Variants in WDR43 observed in about 807,000 individuals in gnomAD.
The protein encoded by WDR43 is WD repeat-containing protein 43.
Under a neutral mutation model 91.4 loss-of-function variants are expected in WDR43, and 13 were observed. That is an observed-to-expected ratio of 0.14 (90% CI 0.09 to 0.23). The LOEUF (loss-of-function observed/expected upper bound fraction) is 0.23. WDR43 is among the 10% of genes least tolerant of loss of function. The pLI is 1.00. For missense variants in WDR43, 780 were observed against 809.4 expected (o/e 0.96, Z 0.44); for synonymous variants, 331 against 287.9 (o/e 1.15, Z -1.51).
At position 28,946,518 on chromosome 2, in the gene WDR43, G is replaced by A. The variant is rs201127235; in HGVS notation, c.1854+19G>A. 5.6e-6 allele frequency: 9 copies of A among 1,607,562 alleles called. No homozygotes were observed. The highest frequency in any genetic ancestry group is 7.7e-6 in the Non-Finnish European group (9 of 1,176,310). On this transcript the variant is annotated intron_variant, in intron 17 of 17. Transcript: ENST00000407426. ...TTCTGAAGTGAGTGATTTGTTCCCT[G>A]TATATACATCGGCCTTTATATCCTC...
chr2:28,914,245 AAG>A, intron 5 of WDR43, 37 bp downstream of exon 5: 1 of 1,594,460 alleles, frequency 6.3e-7, no homozygotes, highest in Non-Finnish European at 8.5e-7. Flanking sequence ...GTAGCATTGA[AAG>A]AATCTGTCAG....
intron 3 of WDR43, among the ~76,000 whole-genome samples, chr2:28,909,978 A>G (rs1292655841): frequency 2.6e-5 from 4 of 151,318 alleles, no homozygotes; most frequent in Admixed American, 2.6e-4. Context: ...CAATATGTGT[A>G]TATCATTCCA....
intron 12 of WDR43, among the ~76,000 whole-genome samples, chr2:28,936,489 C>T (rs1372947826): frequency 2.0e-5 from 3 of 152,102 alleles, no homozygotes; most frequent in African/African-American, 7.2e-5. Context: ...TTTGCCTAAC[C>T]TTGATTTTTT....
chr2:28,913,058 A>G (rs1350490974), intron 4 of WDR43, among the ~76,000 whole-genome samples: 3 of 142,676 alleles, frequency 2.1e-5, no homozygotes, highest in Non-Finnish European at 3.0e-5. Flanking sequence ...GTTCACCGCC[A>G]TTCTCCTGCC....
At chr2:28,946,529 G>A (rs1269319003) in intron 17 of WDR43, 30 bp downstream of exon 17, 83 of 1,603,038 alleles carry the variant, frequency 5.2e-5, no homozygotes, top group Admixed American at 8.5e-5. Context: ...TATATACATC[G>A]GCCTTTATAT....
intron 13 of WDR43, 127 bp downstream of exon 13, chr2:28,937,080 A>G: frequency 1.2e-6 from 1 of 858,742 alleles, no homozygotes; most frequent in Non-Finnish European, 1.8e-6. Context: ...CACCTCCCTT[A>G]TTTTAAGTTG....
intron 7 of WDR43, among the ~76,000 whole-genome samples, chr2:28,923,957 G>T (rs9309665): frequency 0.37 from 56,287 of 151,836 alleles, 11,690 homozygotes; most frequent in Middle Eastern, 0.5. Flanking sequence ...ACTATAGAGG[G>T]TGAAAGGCTA....
intron 15 of WDR43, 56 bp from the exon 16 acceptor site, chr2:28,942,256 T>A (rs1481394725): frequency 6.4e-7 from 1 of 1,562,272 alleles, no homozygotes; most frequent in Non-Finnish European, 8.7e-7. Context: ...CTGGTGGTCG[T>A]GATACTTGGG....
In WDR43 at chr2:28,947,797, CAA is replaced by C. The variant is rs563290282; in HGVS notation, c.*1019_*1020del. 4.2e-4 allele frequency: 63 copies of C among 149,690 alleles called. 1 individual carries two copies. The East Asian group carries it at 0.011, about 27-fold the overall frequency. 9.3% of individuals were successfully genotyped at this position (149,690 alleles called of 1,614,324 possible). A position where few individuals can be genotyped will look rare whatever the true frequency, so the allele number is the denominator to read the frequency against. ...TACCTTTAAAATGATAAGTCTCACT[CAA>C]GATTTTTTATGTATGTATAAATATT... On this transcript the variant is annotated 3_prime_UTR_variant, in exon 18 of 18. Coordinates refer to ENST00000407426, the MANE Select transcript of WDR43 (RefSeq NM_015131.3).
chr2:28,908,846 A>T (rs901194191), intron 3 of WDR43, among the ~76,000 whole-genome samples: 3 of 152,158 alleles, frequency 2.0e-5, no homozygotes, highest in Non-Finnish European at 4.4e-5. Flanking sequence ...ATATTGTTGT[A>T]TCACAGTGTT....
In WDR43 at chr2:28,894,681, A is replaced by G. The variant is rs756285996; in HGVS notation, c.-18A>G. 2.6e-6 allele frequency: 4 copies of G among 1,542,840 alleles called. No individual in the cohort carries two copies. The African/African-American group carries it at 4.1e-5, about 16-fold the overall frequency. On this transcript the variant is annotated 5_prime_UTR_variant, in exon 1 of 18. Coordinates refer to ENST00000407426, the MANE Select transcript of WDR43 (RefSeq NM_015131.3). ...TGCGCACGGACGAACACGTGGCTGCAGCGGGGCCAGAGCAGCAATGGCGGC... is the reference window on the plus strand; with the variant it reads ...TGCGCACGGACGAACACGTGGCTGCGGCGGGGCCAGAGCAGCAATGGCGGC...
rs541047070 is a variant in WDR43, at chr2:28,927,647, G to T, written c.1252G>T (p.Ala418Ser). The T allele has an allele frequency of 6.2e-7, 1 of 1,613,874 alleles. No homozygotes were observed. The highest frequency in any genetic ancestry group is 2.2e-5 in the East Asian group (1 of 44,872). Reference protein sequence around the residue: ...IPGHHAAIKPAPPQTEQVESK... With the variant: ...IPGHHAAIKPSPPQTEQVESK... ...TGGTCATCATGCAGCTATCAAGCCC[G>T]CTCCTCCACAAACCGAGCAAGTAGA... The change falls in exon 10 of 18, where the codon GCT (alanine) becomes TCT (serine). Residue 418 changes from alanine (A) to serine (S), a missense_variant. By Grantham distance (99) the Ala-to-Ser change is moderately conservative. Coordinates refer to ENST00000407426, the MANE Select transcript of WDR43 (RefSeq NM_015131.3).
At position 28,901,993 on chromosome 2, in the gene WDR43, C is replaced by T. The variant is rs1040700088; in HGVS notation, c.232C>T (p.Pro78Ser). The change falls in exon 2 of 18, where the codon CCC (proline) becomes TCC (serine). Residue 78 changes from proline (P) to serine (S), a missense_variant. Around this residue, in one of 4 missense-constraint regions of WDR43, gnomAD observed 175 missense variants for 113.8 expected, o/e 1.54. Transcript: ENST00000407426. ...TGTTTTTCTTTTTTTCCAGGAAAGT[C>T]CCCAGAGGAAAAAAAGGAAATCAGA... ...APARLQAKES[P>S]QRKKRKSEAV... 20 of 1,589,296 alleles carry T rather than the reference C, an allele frequency of 1.3e-5. No homozygotes were observed. The highest frequency in any genetic ancestry group is 1.5e-5 in the Non-Finnish European group (18 of 1,173,918).
chr2:28,913,129 A>G (rs962891132), intron 4 of WDR43, among the ~76,000 whole-genome samples: 1 of 151,036 alleles, frequency 6.6e-6, no homozygotes, highest in Non-Finnish European at 1.5e-5. Context: ...AATTTTTTGT[A>G]TTTTTTAGTA....
chr2:28,903,687 T>TA (rs1440496879), intron 2 of WDR43, among the ~76,000 whole-genome samples: 13 of 152,190 alleles, frequency 8.5e-5, no homozygotes, highest in Non-Finnish European at 1.6e-4. Context: ...GGTGAGCTCT[T>TA]ACACCTACTA....
chr2:28,941,542 CT>C lies in WDR43; in HGVS notation c.1704del (p.His569MetfsTer7). 6.2e-7 allele frequency: 1 copy of C among 1,612,926 alleles called. No homozygotes were observed. The highest frequency in any genetic ancestry group is 8.5e-7 in the Non-Finnish European group (1 of 1,179,360). On this transcript the variant is annotated frameshift_variant, in exon 15 of 18. Transcript: ENST00000407426. LOFTEE classifies it high-confidence loss of function. Reference sequence around the variant, plus strand: ...CAAAACTTTTCAGAAACTTTCACACCTTCATGGAAAGCTTATTCTTCTAATT... The same window carrying C: ...CAAAACTTTTCAGAAACTTTCACACCTCATGGAAAGCTTATTCTTCTAATT... ...RVKTFQKLSH[L>X]HGKLILLITQ...
chr2:28,944,488 T>C (rs1178720723), intron 16 of WDR43, among the ~76,000 whole-genome samples: 4 of 152,232 alleles, frequency 2.6e-5, no homozygotes, highest in Non-Finnish European at 5.9e-5. Flanking sequence ...TTAAAACATA[T>C]ATGTAGAGAT....
chr2:28,910,317 C>T (rs568157723), intron 3 of WDR43, among the ~76,000 whole-genome samples: 2 of 152,026 alleles, frequency 1.3e-5, no homozygotes, highest in Non-Finnish European at 1.5e-5. Flanking sequence ...TATGTATCAA[C>T]GTAGTAAGTA....
At chr2:28,922,678 A>C (rs1018417912) in intron 6 of WDR43, among the ~76,000 whole-genome samples, 3 of 152,092 alleles carry the variant, frequency 2.0e-5, no homozygotes, top group Non-Finnish European at 4.4e-5. Context: ...TCTAACTTGG[A>C]GGGCTCATTC....
Sources: gnomAD v4.1 joint callset for allele counts (sites outside exome capture counted in the v4.1 genomes callset) on GRCh38, gnomAD v4.1.1 for gene constraint, gnomAD v4.1.1 regional missense constraint, MANE v1.5 for transcripts, NCBI Gene and HGNC (gene_info 2026-07-23, HGNC 2026-07-21) for gene names.